The following RSPRY1 variants were observed in gnomAD, a reference collection of about 807,000 sequenced individuals.
RSPRY1 encodes RING finger and SPRY domain-containing protein 1.
A neutral mutation model predicts 73.1 loss-of-function variants in RSPRY1; 23 were observed. That is an observed-to-expected ratio of 0.31 (90% confidence interval 0.23 to 0.45). The LOEUF is 0.45. Ranked by LOEUF, RSPRY1 falls within the 20% of genes least tolerant of loss-of-function variation. The probability of loss-of-function intolerance (pLI) is 1.00; values close to 1 mark genes in which losing one functional copy is unlikely to be tolerated. For synonymous variants in RSPRY1, 226 were observed against 251.4 expected (o/e 0.90, Z 0.95); for missense variants, 448 against 698.7 (o/e 0.64, Z 4.05).
intron 1 of RSPRY1, among the ~76,000 whole-genome samples, chr16:57,200,312 C>T (rs532271713): frequency 2.8e-4 from 43 of 151,762 alleles, no homozygotes; most frequent in African/African-American, 9.9e-4. Context: ...CCTCTTTCTA[C>T]ACAGACATGG....
At chr16:57,208,401 T>TATA (rs1491130630) in intron 3 of RSPRY1, among the ~76,000 whole-genome samples, 58 of 36,612 alleles carry the variant, frequency 1.6e-3, no homozygotes, top group African/African-American at 6.0e-3. Context: ...TATATATATA[T>TATA]TTTTTTTTTT....
chr16:57,198,618 T>TC (rs1185074835), intron 1 of RSPRY1, among the ~76,000 whole-genome samples: 19 of 152,232 alleles, frequency 1.2e-4, no homozygotes, highest in African/African-American at 4.1e-4. Flanking sequence ...TGCTTTTTTT[T>TC]CCCCCTGAAA....
intron 5 of RSPRY1, 146 bp downstream of exon 5, chr16:57,213,244 AT>A (rs2074878249): frequency 1.4e-6 from 1 of 731,736 alleles, no homozygotes; most frequent in East Asian, 3.1e-5. Flanking sequence ...CTGGAAGAAA[AT>A]TACTGAAAGG....
At chr16:57,197,114 G>A (rs2074462166) in intron 1 of RSPRY1, among the ~76,000 whole-genome samples, 1 of 152,148 alleles carries the variant, frequency 6.6e-6, no homozygotes, top group Non-Finnish European at 1.5e-5. Flanking sequence ...TCCTTGGAAA[G>A]TGGGCCACGT....
rs1228357864 is a variant in RSPRY1 at position 57,235,127 on chromosome 16, C to G, written c.1533C>G (p.His511Gln). 1 of 1,613,420 alleles carries G rather than the reference C, an allele frequency of 6.2e-7. No individual in the cohort carries two copies. Among genetic ancestry groups the G allele is most frequent in the Non-Finnish European group, 8.5e-7 (1 of 1,179,472 alleles). Residue 511 changes from histidine (H) to glutamine (Q), a missense_variant, in exon 14 of 15, where the codon CAC becomes CAG. His to Gln is a conservative substitution (Grantham distance 24). Coordinates refer to ENST00000394420, the MANE Select transcript of RSPRY1 (RefSeq NM_133368.3). ...TCAAATTGCTTTTTCTACTCAGGCA[C>G]AGGCGTCTTGCTCTGTTGAAGCAAG... Reference protein sequence around the residue: ...TAEEKIILPRHRRLALLKQVS... With the variant: ...TAEEKIILPRQRRLALLKQVS...
At chr16:57,206,798 C>A (rs1176000184) in intron 2 of RSPRY1, among the ~76,000 whole-genome samples, 1 of 152,206 alleles carries the variant, frequency 6.6e-6, no homozygotes, top group East Asian at 1.9e-4. Flanking sequence ...TACCTGGACT[C>A]AAGCGATTGT....
At chr16:57,192,922 C>T (rs1309143287) in intron 1 of RSPRY1, among the ~76,000 whole-genome samples, 1 of 152,052 alleles carries the variant, frequency 6.6e-6, no homozygotes, top group African/African-American at 2.4e-5. Flanking sequence ...CGCCATGTTG[C>T]CCAGGCTGGT....
chr16:57,218,095 G>A (rs964456599), intron 8 of RSPRY1, among the ~76,000 whole-genome samples: 6 of 152,164 alleles, frequency 3.9e-5, no homozygotes, highest in African/African-American at 1.4e-4. Context: ...CTTGACTAGG[G>A]TAGCACTAAC....
intron 1 of RSPRY1, among the ~76,000 whole-genome samples, chr16:57,195,914 C>CTA (rs1311682026): frequency 1.3e-5 from 2 of 150,250 alleles, no homozygotes; most frequent in Non-Finnish European, 3.0e-5. Flanking sequence ...CCTGGCTACT[C>CTA]GGGAGGCTGA....
intron 1 of RSPRY1, among the ~76,000 whole-genome samples, chr16:57,195,904 C>G (rs139335272): frequency 0.026 from 3,985 of 151,528 alleles, 70 homozygotes; most frequent in South Asian, 0.056. Flanking sequence ...CACCTGTAGT[C>G]CTGGCTACTC....
rs1329418217 is a variant in RSPRY1 at position 57,204,920 on chromosome 16, C to G, written c.262C>G (p.Arg88Gly). ...CCCTGTTCGGCCACCAAGGAGGGGC[C>G]GAGGACCTCATGAGCCAAGGAGAAA... ...RDPVRPPRRGRGPHEPRRKKQ... is the reference protein window; with the variant it reads ...RDPVRPPRRGGGPHEPRRKKQ... The change falls in exon 2 of 15, where the codon CGA becomes GGA. Residue 88 changes from arginine (R) to glycine (G), a missense_variant. By Grantham distance (125) the Arg-to-Gly change is moderately radical. Transcript: ENST00000394420. The G allele has an allele frequency of 6.2e-7, 1 of 1,614,066 alleles. No homozygotes were observed. Among genetic ancestry groups the G allele is most frequent in the East Asian group, 2.2e-5 (1 of 44,878 alleles).
Position 57,204,567 on chromosome 16 carries a change from T to G in RSPRY1, c.-92T>G. Reference sequence around the variant, plus strand: ...ATGTTGGGAATAAGCTCTGCAACTTTCTTTGGCATTCAGTTGTTAAAAACA... The same window carrying G: ...ATGTTGGGAATAAGCTCTGCAACTTGCTTTGGCATTCAGTTGTTAAAAACA... On this transcript the variant is annotated 5_prime_UTR_variant, in exon 2 of 15. Transcript: ENST00000394420. 8.9e-7 allele frequency: 1 copy of G among 1,128,762 alleles called. No individual in the cohort carries two copies. The highest frequency in any genetic ancestry group is 2.4e-5 in the East Asian group (1 of 42,504). 69.9% of individuals were successfully genotyped at this position (1,128,762 alleles called of 1,614,324 possible).
intron 1 of RSPRY1, among the ~76,000 whole-genome samples, chr16:57,195,235 G>A (rs1369438979): frequency 6.6e-6 from 1 of 152,192 alleles, no homozygotes; most frequent in African/African-American, 2.4e-5. Context: ...TATTAGGCTG[G>A]GCATGGTGGC....
At position 57,230,715 on chromosome 16, in the gene RSPRY1, T is replaced by C. The variant is rs762451948; in HGVS notation, c.1278T>C (p.Asp426=). ...GTGTTTCTCTTTATCCTCTAGGAGA[T>C]ACAGTAGGATTTCTGTTAGACTTGA... ...PHIHPCWKEG[D]TVGFLLDLNE... Residue 426 remains aspartate, a synonymous_variant, in exon 12 of 15, where the codon GAT becomes GAC. Transcript: ENST00000394420. 3 of 1,550,970 alleles carry C rather than the reference T, an allele frequency of 1.9e-6. No homozygotes were observed. The highest frequency in any genetic ancestry group is 1.1e-5 in the South Asian group (1 of 89,772).
chr16:57,235,191 G>A lies in RSPRY1; in HGVS notation c.1597G>A (p.Glu533Lys), dbSNP rs1203910504. ...AAACTGCTGTTCCCTTTGTTGTGAT[G>A]AGGTAGCAGACACACAATTGAAGCC... ...RENCCSLCCD[E>K]VADTQLKPCG... The change falls in exon 14 of 15, where the codon GAG becomes AAG. Residue 533 changes from glutamate to lysine, a missense_variant. Glu to Lys is a moderately conservative substitution (Grantham distance 56, BLOSUM62 1). Transcript: ENST00000394420. 6.2e-7 allele frequency: 1 copy of A among 1,614,112 alleles called. No homozygotes were observed. The highest frequency in any genetic ancestry group is 1.7e-5 in the Admixed American group (1 of 60,026).
Position 57,204,558 on chromosome 16 carries a change from C to G in RSPRY1, c.-101C>G. The G allele has an allele frequency of 9.7e-7, 1 of 1,027,716 alleles. No individual in the cohort carries two copies. Among genetic ancestry groups the G allele is most frequent in the Non-Finnish European group, 1.5e-6 (1 of 685,474 alleles). 63.7% of individuals were successfully genotyped at this position (1,027,716 alleles called of 1,614,324 possible). ...TAGTTGATAATGTTGGGAATAAGCT[C>G]TGCAACTTTCTTTGGCATTCAGTTG... On this transcript the variant is annotated 5_prime_UTR_variant, in exon 2 of 15. Coordinates refer to ENST00000394420, the MANE Select transcript of RSPRY1 (RefSeq NM_133368.3).
At chr16:57,214,960 A>G (rs1197730083) in intron 6 of RSPRY1, among the ~76,000 whole-genome samples, 1 of 152,132 alleles carries the variant, frequency 6.6e-6, no homozygotes, top group Non-Finnish European at 1.5e-5. Flanking sequence ...CCCAGAAGGC[A>G]GAGATTACAG....
chr16:57,220,198 T>A (rs1231945046), intron 8 of RSPRY1: 1 of 152,264 alleles, frequency 6.6e-6, no homozygotes, highest in African/African-American at 2.4e-5. Flanking sequence ...GTGAAGAATG[T>A]CATTGGTATT....
chr16:57,207,097 G>A (rs2074740534), intron 2 of RSPRY1, among the ~76,000 whole-genome samples: 1 of 152,264 alleles, frequency 6.6e-6, no homozygotes, highest in South Asian at 2.1e-4. Flanking sequence ...AGTGAACAGC[G>A]CAAATATGCA....
Sources: allele counts gnomAD v4.1 joint callset (sites outside exome capture counted in the v4.1 genomes callset), GRCh38; gene constraint gnomAD v4.1.1; transcripts MANE v1.5; gene names NCBI Gene and HGNC (gene_info 2026-07-23, HGNC 2026-07-21).